Variants in CNEP1R1 observed in about 807,000 individuals in gnomAD.
CNEP1R1 encodes nuclear envelope phosphatase-regulatory subunit 1.
A neutral mutation model predicts 22.7 loss-of-function variants in CNEP1R1; 10 were observed. That is an observed-to-expected ratio of 0.44 (90% CI 0.27 to 0.75). CNEP1R1 has a LOEUF of 0.75. CNEP1R1 is among the 30% of genes least tolerant of loss of function. The pLI is 0.17. For synonymous variants in CNEP1R1, 53 were observed against 50.1 expected (o/e 1.06, Z -0.25); for missense variants, 73 against 151.5 (o/e 0.48, Z 2.72).
chr16:50,026,204 AT>A lies in CNEP1R1; in HGVS notation c.26-186del, dbSNP rs2036181512. The A allele has an allele frequency of 6.3e-6, 3 of 478,040 alleles. No individual in the cohort carries two copies. In the East Asian group the frequency reaches 9.1e-5, roughly 14 times the overall value. The allele number at this position is 478,040 out of a possible 1,614,324, so 29.6% of individuals were successfully genotyped here. Reference sequence around the variant, plus strand: ...GAGAAATTGGAATTAAAGAGCCCTAATTTTTTGTCAAGTGCTTAAAAAGCTG... The same window carrying A: ...GAGAAATTGGAATTAAAGAGCCCTAATTTTTGTCAAGTGCTTAAAAAGCTG... On this transcript the variant is annotated intron_variant, in intron 1 of 5. Transcript: ENST00000427478.
chr16:50,033,383 CTCT>C lies in CNEP1R1; in HGVS notation c.172-9_172-7del, dbSNP rs1455188073. Reference sequence around the variant, plus strand: ...ATTTTTAACATTTTTATATTTTCATCTCTTCTTTTACAGGTGTCCTTCTTCACA... The same window carrying C: ...ATTTTTAACATTTTTATATTTTCATCTCTTTTACAGGTGTCCTTCTTCACA... On this transcript the variant is annotated splice_polypyrimidine_tract_variant and intron_variant, in intron 3 of 5. Transcript: ENST00000427478. 2.9e-6 allele frequency: 4 copies of C among 1,384,132 alleles called. No individual in the cohort carries two copies. Among genetic ancestry groups the C allele is most frequent in the Non-Finnish European group, 4.1e-6 (4 of 981,338 alleles). The allele number at this position is 1,384,132 out of a possible 1,614,324, so 85.7% of individuals were successfully genotyped here. A position where few individuals can be genotyped will look rare whatever the true frequency, so the allele number is the denominator to read the frequency against.
chr16:50,025,494 T>G (rs2036172308), intron 1 of CNEP1R1, 154 bp downstream of exon 1: 2 of 1,093,430 alleles, frequency 1.8e-6, no homozygotes, highest in African/African-American at 3.2e-5. Context: ...CGGCCGTACC[T>G]GGCCAGACGC....
intron 2 of CNEP1R1, among the ~76,000 whole-genome samples, chr16:50,027,106 T>C (rs1415760754): frequency 6.6e-6 from 1 of 152,198 alleles, no homozygotes; most frequent in South Asian, 2.1e-4. Context: ...AAAATTTTAG[T>C]AAGAAGAGTC....
chr16:50,036,971 C>T lies in CNEP1R1; in HGVS notation c.*1513C>T, dbSNP rs1350347434. 6.6e-6 allele frequency: 1 copy of T among 152,496 alleles called. No individual in the cohort carries two copies. Among genetic ancestry groups the T allele is most frequent in the African/African-American group, 2.4e-5 (1 of 41,376 alleles). 9.4% of individuals were successfully genotyped at this position (152,496 alleles called of 1,614,324 possible). A position where few individuals can be genotyped will look rare whatever the true frequency, so the allele number is the denominator to read the frequency against. On this transcript the variant is annotated 3_prime_UTR_variant, in exon 6 of 6. Transcript: ENST00000427478. The stretch of plus-strand genomic sequence containing the variant: ...ATTCTTTGAACTGCAGCAATAAAAC[C>T]CTCAGCTCCTAAGAAGTCTTAAGAG...
rs535610376 is a variant in CNEP1R1, at chr16:50,028,172, G to A, written c.98-1553G>A. Among the ~76,000 whole-genome samples the A allele has an allele frequency of 1.4e-4, 22 of 152,252 alleles. No homozygotes were observed. The South Asian group carries it at 3.7e-3, about 26-fold the overall frequency. ...GATAGGGTTTCTGCATTTTGGCCAG[G>A]CTGGTGTCAAACTCCTCACCTCAGG... On this transcript the variant is annotated intron_variant, in intron 2 of 5. Transcript: ENST00000427478.
intron 1 of CNEP1R1, 56 bp downstream of exon 1, chr16:50,025,396 C>T (rs1451733414): frequency 7.8e-6 from 11 of 1,408,796 alleles, no homozygotes; most frequent in Admixed American, 3.0e-5. Flanking sequence ...TGGCGGTGCT[C>T]CGGAGGAGCC....
intron 1 of CNEP1R1, chr16:50,026,179 G>C: frequency 2.2e-6 from 1 of 461,856 alleles, no homozygotes; most frequent in Non-Finnish European, 3.8e-6. Context: ...TTTCTTATAT[G>C]AGAAATTGGA....
At chr16:50,026,298 GAGTATCTCACAT>G in intron 1 of CNEP1R1, 86 bp from the exon 2 acceptor site, 2 of 788,852 alleles carry the variant, frequency 2.5e-6, no homozygotes, top group Non-Finnish European at 4.3e-6. Context: ...AAGCAGTTAA[GAGTATCTCACAT>G]GTCGTCTTAA....
At chr16:50,026,306 C>A in intron 1 of CNEP1R1, 90 bp from the exon 2 acceptor site, 1 of 858,792 alleles carries the variant, frequency 1.2e-6, no homozygotes, top group East Asian at 2.6e-5. Flanking sequence ...AAGAGTATCT[C>A]ACATGTCGTC....
At chr16:50,030,512 C>T (rs1455448908) in intron 3 of CNEP1R1, among the ~76,000 whole-genome samples, 1 of 152,148 alleles carries the variant, frequency 6.6e-6, no homozygotes, top group African/African-American at 2.4e-5. Context: ...CTTTCTTCAT[C>T]CCATAAAACA....
Position 50,033,438 on chromosome 16 carries a change from C to A in CNEP1R1, c.213C>A (p.Thr71=). Reference sequence around the variant, plus strand: ...CATTATGGAATCACCCATTTTTCACCATTAGCTGTATCACTCTAATAGGCT... The same window carrying A: ...CATTATGGAATCACCCATTTTTCACAATTAGCTGTATCACTCTAATAGGCT... ...FTSLWNHPFF[T]ISCITLIGLF... is the part of the protein sequence containing the mutation. Residue 71 remains threonine (T), a synonymous_variant, in exon 4 of 6, where the codon ACC becomes ACA. Coordinates refer to ENST00000427478, the MANE Select transcript of CNEP1R1 (RefSeq NM_001281789.2). 1 of 1,602,050 alleles carries A rather than the reference C, an allele frequency of 6.2e-7. No individual in the cohort carries two copies. The highest frequency in any genetic ancestry group is 1.1e-5 in the South Asian group (1 of 90,480).
chr16:50,025,475 G>A (rs1275020880), intron 1 of CNEP1R1, 135 bp downstream of exon 1: 4 of 1,155,140 alleles, frequency 3.5e-6, no homozygotes, highest in South Asian at 3.1e-5. Context: ...GAGCTTGGGG[G>A]CGCGTAGGCG....
At position 50,030,993 on chromosome 16, in the gene CNEP1R1, C is replaced by G. The variant is rs1281822330; in HGVS notation, c.171+1195C>G. Among the ~76,000 whole-genome samples the G allele has an allele frequency of 3.9e-5, 6 of 152,278 alleles. No homozygotes were observed. The South Asian group carries it at 1.2e-3, about 32-fold the overall frequency. On this transcript the variant is annotated intron_variant, in intron 3 of 5. Transcript: ENST00000427478. ...TTTCTCAAATTTCCACCTCTTTCTA[C>G]TAATTTGTGCTTTAATTTCAAACTC...
chr16:50,029,825 G>T, intron 3 of CNEP1R1, 27 bp downstream of exon 3: 1 of 1,373,544 alleles, frequency 7.3e-7, no homozygotes, highest in Non-Finnish European at 1.0e-6. Context: ...AAAATCATTA[G>T]CATAATTAAA....
intron 3 of CNEP1R1, among the ~76,000 whole-genome samples, chr16:50,030,335 G>C (rs954391850): frequency 6.6e-6 from 1 of 152,148 alleles, no homozygotes; most frequent in Non-Finnish European, 1.5e-5. Context: ...TTGGGAGGCT[G>C]AGGTGGGAGG....
In CNEP1R1 at chr16:50,026,415, G is replaced by A; in HGVS notation, c.45G>A (p.Arg15=). ...EQAEDLKAFE[R]RLTEYIHCLQ... ...ACCTAGATCTCAAGGCTTTTGAGAGGAGACTTACTGAATATATTCATTGTT... is the reference window on the plus strand; with the variant it reads ...ACCTAGATCTCAAGGCTTTTGAGAGAAGACTTACTGAATATATTCATTGTT... The change falls in exon 2 of 6, where the codon AGG becomes AGA. Residue 15 remains arginine, a synonymous_variant. Transcript: ENST00000427478. 1 of 1,609,892 alleles carries A rather than the reference G, an allele frequency of 6.2e-7. No homozygotes were observed. The highest frequency in any genetic ancestry group is 1.1e-5 in the South Asian group (1 of 90,098).
At chr16:50,034,240 G>A (rs954959987) in intron 5 of CNEP1R1, 84 bp downstream of exon 5, 1 of 817,082 alleles carries the variant, frequency 1.2e-6, no homozygotes, top group Non-Finnish European at 2.1e-6. Context: ...CATTTTATTA[G>A]CAATAAATTT....
intron 5 of CNEP1R1, 37 bp downstream of exon 5, chr16:50,034,193 A>T (rs1354483066): frequency 6.9e-7 from 1 of 1,438,918 alleles, no homozygotes; most frequent in Non-Finnish European, 9.6e-7. Context: ...ATAGACCTGC[A>T]TGAAAACACT....
intron 1 of CNEP1R1, 70 bp from the exon 2 acceptor site, chr16:50,026,326 G>T: frequency 9.1e-7 from 1 of 1,101,742 alleles, no homozygotes; most frequent in South Asian, 1.3e-5. Context: ...CTTAATGTTA[G>T]GTAAATACTC....
Sources: gnomAD v4.1 joint callset for allele counts (sites outside exome capture counted in the v4.1 genomes callset) on GRCh38, gnomAD v4.1.1 for gene constraint, MANE v1.5 for transcripts, NCBI Gene and HGNC (gene_info 2026-07-23, HGNC 2026-07-21) for gene names.